CLNK: variants seen among roughly 807,000 people sequenced by gnomAD.
CLNK encodes the protein cytokine dependent hematopoietic cell linker, also known as cytokine-dependent hematopoietic cell linker.
Under a neutral mutation model 68.6 loss-of-function variants are expected in CLNK, and 74 were observed. That is an observed-to-expected ratio of 1.08 (90% CI 0.89 to 1.31). The LOEUF (loss-of-function observed/expected upper bound fraction) is 1.31. CLNK is among the 50% of genes most tolerant of loss of function. CLNK has a pLI of 0.00. For missense variants in CLNK, 553 were observed against 515.3 expected (o/e 1.07, Z -0.71); for synonymous variants, 198 against 172.2 (o/e 1.15, Z -1.17).
chr4:10,578,813 C>A (rs913652194), intron 4 of CLNK, among the ~76,000 whole-genome samples: 1 of 152,042 alleles, frequency 6.6e-6, no homozygotes, highest in African/African-American at 2.4e-5. Flanking sequence ...TTCAAGTAAT[C>A]CACCTGCCTC....
intron 18 of CLNK, among the ~76,000 whole-genome samples, chr4:10,499,030 C>T (rs1372152805): frequency 4.0e-5 from 6 of 150,562 alleles, no homozygotes; most frequent in African/African-American, 7.3e-5. Flanking sequence ...GTTAGATGCC[C>T]AGGCACGCCA....
At chr4:10,722,033 G>C in the CLNK span, among the ~76,000 whole-genome samples, 10,095 of 152,190 alleles carry the variant, frequency 0.066, 449 homozygotes, top group East Asian at 0.1. Flanking sequence ...AATTAGCCAG[G>C]CAAGGTGGCA....
chr4:10,568,390 C>G (rs917082009), intron 5 of CLNK, among the ~76,000 whole-genome samples: 1 of 151,982 alleles, frequency 6.6e-6, no homozygotes, highest in African/African-American at 2.4e-5. Flanking sequence ...GAAGGGGGGA[C>G]TGGGTTTCAT....
At chr4:10,597,839 AC>A (rs749718106) in intron 3 of CLNK, 138 bp downstream of exon 3, 6 of 638,872 alleles carry the variant, frequency 9.4e-6, no homozygotes, top group Non-Finnish European at 1.4e-5. Flanking sequence ...CTTCTCCTGC[AC>A]CTTGGTCTCT....
chr4:10,501,074 T>G (rs1717023759), intron 18 of CLNK, among the ~76,000 whole-genome samples, 182 bp downstream of exon 18: 1 of 152,206 alleles, frequency 6.6e-6, no homozygotes, highest in Admixed American at 6.5e-5. Context: ...TGGTCAGAAC[T>G]GGTCGCTGGC....
At chr4:10,725,474 C>T in the CLNK span, among the ~76,000 whole-genome samples, 4 of 152,114 alleles carry the variant, frequency 2.6e-5, no homozygotes, top group Non-Finnish European at 4.4e-5. Flanking sequence ...CAAGGACGCC[C>T]GTGCAGGTTC....
the CLNK span, among the ~76,000 whole-genome samples, chr4:10,726,844 G>C: frequency 1.3e-5 from 2 of 152,164 alleles, no homozygotes; most frequent in Non-Finnish European, 1.5e-5. Flanking sequence ...ATGCCTGCTT[G>C]CTGTTACCTA....
At chr4:10,590,153 T>G (rs1388612569) in intron 3 of CLNK, among the ~76,000 whole-genome samples, 1 of 152,208 alleles carries the variant, frequency 6.6e-6, no homozygotes, top group Admixed American at 6.5e-5. Context: ...AGGTCTGTGG[T>G]TTTTAATATT....
At position 10,640,594 on chromosome 4, in the gene CLNK, G is replaced by A. The variant is rs114443602; in HGVS notation, c.11+27265C>T. ...ACTGCTGTGCAACATTAAGGAAACCGCATGAACATTCTTCACTTCCACTTC... is the reference window on the plus strand; with the variant it reads ...ACTGCTGTGCAACATTAAGGAAACCACATGAACATTCTTCACTTCCACTTC... On this transcript the variant is annotated intron_variant, in intron 2 of 18. Coordinates refer to ENST00000226951, the MANE Select transcript of CLNK (RefSeq NM_052964.4). Among the ~76,000 whole-genome samples, 278 of 152,270 alleles carry A rather than the reference G, an allele frequency of 1.8e-3. 1 individual carries two copies. Among genetic ancestry groups the A allele is most frequent in the African/African-American group, 6.1e-3 (255 of 41,540 alleles).
intron 18 of CLNK, among the ~76,000 whole-genome samples, chr4:10,490,966 T>C (rs542860099): frequency 3.3e-5 from 5 of 152,266 alleles, no homozygotes; most frequent in African/African-American, 1.2e-4. Context: ...GGTTTCGCCA[T>C]GTTGGCCAGA....
rs1400332624 is a variant in CLNK, at chr4:10,637,343, C to T, written c.11+30516G>A. ...CAAGATTGGAACCTTTGTATCACTG[C>T]TTGGAAGATATCTGCCCTGGAGAAT... On this transcript the variant is annotated intron_variant, in intron 2 of 18. Coordinates refer to ENST00000226951, the MANE Select transcript of CLNK (RefSeq NM_052964.4). 2.0e-5 allele frequency among the ~76,000 whole-genome samples: 3 copies of T among 151,676 alleles called. No homozygotes were observed. In the East Asian group the frequency reaches 5.8e-4, roughly 29 times the overall value.
intron 2 of CLNK, among the ~76,000 whole-genome samples, chr4:10,607,547 A>C (rs1721836663): frequency 6.6e-6 from 1 of 152,226 alleles, no homozygotes; most frequent in South Asian, 2.1e-4. Context: ...TTTGCATGCC[A>C]GGAAACACAA....
chr4:10,623,817 G>GGAGA (rs1050513812), intron 2 of CLNK, among the ~76,000 whole-genome samples: 40 of 152,318 alleles, frequency 2.6e-4, no homozygotes, highest in Admixed American at 2.1e-3. Flanking sequence ...TGCTACAGAA[G>GGAGA]GAGAACCCAA....
At chr4:10,724,868 A>G in the CLNK span, among the ~76,000 whole-genome samples, 2 of 152,152 alleles carry the variant, frequency 1.3e-5, no homozygotes. Context: ...ACCTCAGAGG[A>G]GGCTTAGTGA....
At chr4:10,617,204 T>C (rs1163603592) in intron 2 of CLNK, among the ~76,000 whole-genome samples, 1 of 152,128 alleles carries the variant, frequency 6.6e-6, no homozygotes, top group Non-Finnish European at 1.5e-5. Flanking sequence ...TCCCAATGCA[T>C]ACATATATAA....
At chr4:10,526,001 C>A in intron 13 of CLNK, 79 bp from the exon 14 acceptor site, 1 of 753,828 alleles carries the variant, frequency 1.3e-6, no homozygotes, top group Non-Finnish European at 2.2e-6. Flanking sequence ...ACTGGAACTA[C>A]TATAATTTCC....
At chr4:10,631,196 T>C (rs901859753) in intron 2 of CLNK, among the ~76,000 whole-genome samples, 2 of 152,210 alleles carry the variant, frequency 1.3e-5, no homozygotes, top group Admixed American at 6.5e-5. Context: ...CTACAGGTTC[T>C]AGGCAGAGTC....
chr4:10,731,567 G>T, the CLNK span, among the ~76,000 whole-genome samples: 3 of 152,150 alleles, frequency 2.0e-5, no homozygotes, highest in Admixed American at 6.5e-5. Context: ...AAGATATTTT[G>T]TTATTCTCTC....
chr4:10,699,517 T>A, the CLNK span, among the ~76,000 whole-genome samples: 65 of 129,870 alleles, frequency 5.0e-4, 6 homozygotes, highest in East Asian at 2.4e-3. Context: ...TATATATTTT[T>A]TTTTTTTTTT....
Sources: gnomAD v4.1 joint callset for allele counts (sites outside exome capture counted in the v4.1 genomes callset) on GRCh38, gnomAD v4.1.1 for gene constraint, MANE v1.5 for transcripts, NCBI Gene and HGNC (gene_info 2026-07-23, HGNC 2026-07-21) for gene names.